Variants in NFIA observed in about 807,000 individuals in gnomAD.
The protein encoded by NFIA is nuclear factor 1 A-type.
Under a neutral mutation model 62.8 loss-of-function variants are expected in NFIA, and 8 were observed. The observed-to-expected ratio is 0.13, with a 90% CI of 0.07 to 0.23. NFIA has a LOEUF of 0.23. Among genes scored for constraint, NFIA ranks in the 10% least tolerant of loss-of-function variants. The probability of loss-of-function intolerance (pLI) is 1.00; values close to 1 mark genes in which losing one functional copy is unlikely to be tolerated. For synonymous variants in NFIA, 235 were observed against 238.1 expected, an observed-to-expected ratio of 0.99 and a Z score of 0.12; for missense variants, 410 against 642.1, an observed-to-expected ratio of 0.64 and a Z score of 3.91.
intron 2 of NFIA, among the ~76,000 whole-genome samples, chr1:61,235,511 AAAAAT>A (rs1654950361): frequency 6.6e-5 from 9 of 136,618 alleles, no homozygotes; most frequent in Non-Finnish European, 1.1e-4. Context: ...AATAAAAATA[AAAAAT>A]AAAAAAAAAT....
intron 2 of NFIA, among the ~76,000 whole-genome samples, chr1:61,197,806 C>A (rs1652137081): frequency 6.6e-6 from 1 of 151,600 alleles, no homozygotes. Flanking sequence ...ATAGTGAAAC[C>A]CCATCTCTAC....
At chr1:61,147,406 C>G (rs573166354) in intron 2 of NFIA, among the ~76,000 whole-genome samples, 1 of 152,214 alleles carries the variant, frequency 6.6e-6, no homozygotes, top group Non-Finnish European at 1.5e-5. Flanking sequence ...CCGCCTCGGC[C>G]TCCCGAAGTG....
chr1:61,157,969 T>C (rs1045946838), intron 2 of NFIA, among the ~76,000 whole-genome samples: 7 of 152,210 alleles, frequency 4.6e-5, no homozygotes, highest in African/African-American at 1.7e-4. Context: ...GATCCCACTG[T>C]TAAAAGTTAT....
At chr1:61,344,313 T>C (rs781677878) in intron 4 of NFIA, among the ~76,000 whole-genome samples, 2 of 152,230 alleles carry the variant, frequency 1.3e-5, no homozygotes, top group Admixed American at 1.3e-4. Context: ...TTACAAGATC[T>C]TTGCCACTGG....
At chr1:61,150,595 T>A (rs781416911) in intron 2 of NFIA, among the ~76,000 whole-genome samples, 3 of 152,220 alleles carry the variant, frequency 2.0e-5, no homozygotes, top group Non-Finnish European at 4.4e-5. Context: ...GAGCAACTGC[T>A]TACGACACTG....
chr1:61,441,559 G>A (rs747606642), intron 10 of NFIA, among the ~76,000 whole-genome samples: 6 of 152,012 alleles, frequency 3.9e-5, no homozygotes, highest in Non-Finnish European at 8.8e-5. Flanking sequence ...ACTAATTTCT[G>A]TGCTAGCATT....
chr1:61,350,551 G>A (rs1481097919), intron 4 of NFIA, among the ~76,000 whole-genome samples: 1 of 152,158 alleles, frequency 6.6e-6, no homozygotes, highest in Non-Finnish European at 1.5e-5. Flanking sequence ...CGGGAAGATT[G>A]CTTGAGCGCA....
rs1229598723 is a variant in NFIA, at chr1:61,278,663, C to G, written c.625+1078C>G. 5.9e-5 allele frequency among the ~76,000 whole-genome samples: 9 copies of G among 152,156 alleles called. 1 individual carries two copies. Among genetic ancestry groups the G allele is most frequent in the Admixed American group, 5.9e-4 (9 of 15,270 alleles). ...ATTATTCGGTCGTAGTGGCATGTGC[C>G]TGCTGTAATCCCAGCTACTTGGGAG... On this transcript the variant is annotated intron_variant, in intron 3 of 10. Transcript: ENST00000403491.
At chr1:61,332,485 T>G (rs778846491) in intron 3 of NFIA, 27 bp from the exon 4 acceptor site, 102 of 1,603,500 alleles carry the variant, frequency 6.4e-5, no homozygotes, top group Non-Finnish European at 6.0e-5. Context: ...TATGACACTT[T>G]GTTTTCTTTT....
rs372855613 is a variant in NFIA at position 61,125,543 on chromosome 1, TC to T, written c.559+36865del. Among the ~76,000 whole-genome samples, 152 of 152,260 alleles carry T rather than the reference TC, an allele frequency of 1.0e-3. 1 individual carries two copies. Among genetic ancestry groups the T allele is most frequent in the African/African-American group, 3.5e-3 (144 of 41,552 alleles). ...ATTCTATTCAGAGCACACAAAGAGA[TC>T]CTGGAACGTTTTATAGGGACTCGTG... On this transcript the variant is annotated intron_variant, in intron 2 of 10. Coordinates refer to ENST00000403491, the MANE Select transcript of NFIA (RefSeq NM_001134673.4).
rs561700151 is a variant in NFIA, at chr1:61,313,995, T to G, written c.626-18517T>G. Among the ~76,000 whole-genome samples, 19 of 152,290 alleles carry G rather than the reference T, an allele frequency of 1.2e-4. No individual in the cohort carries two copies. The South Asian group carries it at 3.9e-3, about 32-fold the overall frequency. On this transcript the variant is annotated intron_variant, in intron 3 of 10. Coordinates refer to ENST00000403491, the MANE Select transcript of NFIA (RefSeq NM_001134673.4). ...ATAACACTTTGAAAATTACAGGAAA[T>G]AACACATGGCAAAGCTGAGGAGAAT...
intron 10 of NFIA, among the ~76,000 whole-genome samples, chr1:61,442,030 G>A (rs575023510): frequency 2.6e-5 from 4 of 152,046 alleles, no homozygotes; most frequent in South Asian, 2.1e-4. Context: ...TATGGAATTC[G>A]CTAATGCTCC....
chr1:61,335,592 C>T (rs1661560425), intron 4 of NFIA, among the ~76,000 whole-genome samples: 1 of 152,152 alleles, frequency 6.6e-6, no homozygotes, highest in Non-Finnish European at 1.5e-5. Context: ...CCTGTAATCC[C>T]AGCACTTTGG....
At chr1:61,446,876 G>A (rs965169796) in intron 10 of NFIA, among the ~76,000 whole-genome samples, 4 of 152,192 alleles carry the variant, frequency 2.6e-5, no homozygotes, top group African/African-American at 9.7e-5. Flanking sequence ...GGAGTAGAAT[G>A]ATTATTACAA....
chr1:61,134,531 T>C (rs1245149760), intron 2 of NFIA, among the ~76,000 whole-genome samples: 1 of 152,196 alleles, frequency 6.6e-6, no homozygotes, highest in Non-Finnish European at 1.5e-5. Context: ...CTTTCTTACC[T>C]GTTTGAACTA....
chr1:61,176,975 G>A (rs571369267), intron 2 of NFIA, among the ~76,000 whole-genome samples: 14 of 152,012 alleles, frequency 9.2e-5, no homozygotes, highest in African/African-American at 2.2e-4. Flanking sequence ...GCATGGTGGC[G>A]GGCGCCTGTA....
At chr1:61,126,069 A>G (rs1646961957) in intron 2 of NFIA, among the ~76,000 whole-genome samples, 1 of 152,120 alleles carries the variant, frequency 6.6e-6, no homozygotes, top group Non-Finnish European at 1.5e-5. Context: ...CAAGTTTACA[A>G]GTGAGGAAAC....
chr1:61,234,231 T>C (rs1654847032), intron 2 of NFIA, among the ~76,000 whole-genome samples: 2 of 151,978 alleles, frequency 1.3e-5, no homozygotes, highest in Non-Finnish European at 2.9e-5. Context: ...GCCTGGAGTG[T>C]TGGCACATGC....
At chr1:61,170,485 G>T (rs555632925) in intron 2 of NFIA, among the ~76,000 whole-genome samples, 1 of 152,090 alleles carries the variant, frequency 6.6e-6, no homozygotes, top group African/African-American at 2.4e-5. Context: ...AAATAGCCTT[G>T]GGAGGTGCTC....
Sources: allele counts gnomAD v4.1 joint callset (sites outside exome capture counted in the v4.1 genomes callset), GRCh38; gene constraint gnomAD v4.1.1; transcripts MANE v1.5; gene names NCBI Gene and HGNC (gene_info 2026-07-23, HGNC 2026-07-21).